Variants in SNTB1 observed in about 807,000 individuals in gnomAD.
SNTB1 encodes the protein syntrophin beta 1.
A neutral mutation model predicts 48.9 loss-of-function variants in SNTB1; 36 were observed. The observed-to-expected ratio is 0.74, with a 90% CI of 0.56 to 0.97. SNTB1 has a LOEUF of 0.97. Among genes scored for constraint, SNTB1 ranks in the 50% least tolerant of loss-of-function variants. The pLI, the probability that SNTB1 is intolerant of heterozygous loss-of-function variation, is 0.00. For missense variants in SNTB1, 786 were observed against 703.4 expected (o/e 1.12, Z -1.33); for synonymous variants, 299 against 294.6 (o/e 1.01, Z -0.15).
At chr8:120,547,721 C>T (rs1414694478) in intron 5 of SNTB1, among the ~76,000 whole-genome samples, 1 of 151,954 alleles carries the variant, frequency 6.6e-6, no homozygotes, top group Admixed American at 6.6e-5. Flanking sequence ...CTACACACAT[C>T]TCCCATTTCT....
chr8:120,734,321 C>T (rs890900052), intron 1 of SNTB1, among the ~76,000 whole-genome samples: 2 of 151,930 alleles, frequency 1.3e-5, no homozygotes, highest in African/African-American at 2.4e-5. Flanking sequence ...GTGGCAGGCA[C>T]CTGTAATCCC....
At chr8:120,722,661 G>A (rs1295833277) in intron 1 of SNTB1, among the ~76,000 whole-genome samples, 6 of 152,130 alleles carry the variant, frequency 3.9e-5, no homozygotes, top group Non-Finnish European at 8.8e-5. Context: ...CAGATGAGTA[G>A]ATTGCAAAAA....
chr8:120,613,435 C>T (rs1816659226), intron 3 of SNTB1, among the ~76,000 whole-genome samples: 2 of 151,694 alleles, frequency 1.3e-5, no homozygotes, highest in African/African-American at 2.4e-5. Context: ...ATGGTAGTTA[C>T]TAGAGGCTGG....
intron 1 of SNTB1, among the ~76,000 whole-genome samples, chr8:120,763,161 C>A (rs1015690789): frequency 6.6e-6 from 1 of 152,174 alleles, no homozygotes; most frequent in Non-Finnish European, 1.5e-5. Context: ...TAATAGATAT[C>A]ATGAATCTTA....
intron 2 of SNTB1, among the ~76,000 whole-genome samples, chr8:120,690,500 G>T (rs775677430): frequency 6.6e-6 from 1 of 152,200 alleles, no homozygotes; most frequent in Admixed American, 6.5e-5. Context: ...GATGTTGCTT[G>T]TGAACTCTTG....
chr8:120,652,800 T>C (rs73708921), intron 2 of SNTB1, among the ~76,000 whole-genome samples: 2,276 of 152,266 alleles, frequency 0.015, 62 homozygotes, highest in African/African-American at 0.052. Context: ...CTTATGTTTT[T>C]AGCATTTTAA....
chr8:120,746,741 C>G (rs1475930860), intron 1 of SNTB1, among the ~76,000 whole-genome samples: 1 of 152,180 alleles, frequency 6.6e-6, no homozygotes, highest in African/African-American at 2.4e-5. Flanking sequence ...TTCCGTTATT[C>G]AGTATAATAA....
intron 2 of SNTB1, among the ~76,000 whole-genome samples, chr8:120,683,819 G>A (rs1165433427): frequency 2.0e-5 from 3 of 152,136 alleles, no homozygotes; most frequent in African/African-American, 7.2e-5. Flanking sequence ...CTTGCACCCA[G>A]CAATGAGGAT....
intron 2 of SNTB1, among the ~76,000 whole-genome samples, chr8:120,692,403 T>C (rs1319632309): frequency 6.6e-6 from 1 of 152,128 alleles, no homozygotes; most frequent in African/African-American, 2.4e-5. Context: ...GCGGTTCCTA[T>C]TTTTAGCACT....
At chr8:120,707,844 G>T (rs1818401982) in intron 1 of SNTB1, among the ~76,000 whole-genome samples, 1 of 152,054 alleles carries the variant, frequency 6.6e-6, no homozygotes, top group Non-Finnish European at 1.5e-5. Flanking sequence ...GATTATTGCA[G>T]TTAATGAGCA....
rs1815738752 is a variant in SNTB1 at position 120,565,797 on chromosome 8, C to CCCCAAAATTCATGT, written c.1136+9275_1136+9288dup. Among the ~76,000 whole-genome samples the CCCCAAAATTCATGT allele has an allele frequency of 3.3e-5, 5 of 152,128 alleles. No individual in the cohort carries two copies. The South Asian group carries it at 1.0e-3, about 32-fold the overall frequency. The stretch of plus-strand genomic sequence containing the variant: ...TGCTGTGGTTTGAACGTCTGTGTCC[C>CCCCAAAATTCATGT]CCCAAAATTCATGTTGAAACTGAAG... On this transcript the variant is annotated intron_variant, in intron 4 of 6. Transcript: ENST00000517992.
chr8:120,628,540 T>C (rs1816923520), intron 3 of SNTB1, among the ~76,000 whole-genome samples: 1 of 152,132 alleles, frequency 6.6e-6, no homozygotes, highest in South Asian at 2.1e-4. Context: ...CCAGATCACC[T>C]GAGGTCAGGA....
chr8:120,634,107 C>T (rs748002090), intron 2 of SNTB1, among the ~76,000 whole-genome samples: 23 of 151,934 alleles, frequency 1.5e-4, no homozygotes, highest in Non-Finnish European at 3.1e-4. Context: ...ACCTGTTCTC[C>T]GTATCTGTAA....
intron 2 of SNTB1, among the ~76,000 whole-genome samples, chr8:120,671,273 A>G (rs1433588027): frequency 6.6e-6 from 1 of 152,202 alleles, no homozygotes; most frequent in Non-Finnish European, 1.5e-5. Context: ...CTCAAAGTTC[A>G]TTTCTACCCA....
chr8:120,689,383 A>T (rs1818088384), intron 2 of SNTB1, among the ~76,000 whole-genome samples: 1 of 152,148 alleles, frequency 6.6e-6, no homozygotes, highest in South Asian at 2.1e-4. Flanking sequence ...GTGTGTGATG[A>T]TTCAGAAATT....
chr8:120,763,845 T>C (rs1819469233), intron 1 of SNTB1, among the ~76,000 whole-genome samples: 1 of 151,774 alleles, frequency 6.6e-6, no homozygotes, highest in Non-Finnish European at 1.5e-5. Context: ...TTTATAGAGA[T>C]GGGGTCTTGT....
At chr8:120,638,715 T>A (rs1342238181) in intron 2 of SNTB1, among the ~76,000 whole-genome samples, 1 of 152,192 alleles carries the variant, frequency 6.6e-6, no homozygotes, top group Non-Finnish European at 1.5e-5. Context: ...TTCATTCATG[T>A]CCCTACAAAG....
intron 3 of SNTB1, among the ~76,000 whole-genome samples, chr8:120,610,548 T>C (rs1816604732): frequency 6.6e-6 from 1 of 151,980 alleles, no homozygotes; most frequent in Non-Finnish European, 1.5e-5. Context: ...GTTTTTTGTT[T>C]GTTTGTTTGT....
Position 120,537,532 on chromosome 8 carries a change from A to T in SNTB1, c.*1345T>A, listed in dbSNP as rs1468312236. The T allele has an allele frequency of 6.6e-6, 1 of 152,170 alleles. No individual in the cohort carries two copies. Among genetic ancestry groups the T allele is most frequent in the Admixed American group, 6.5e-5 (1 of 15,288 alleles). The allele number at this position is 152,170 out of a possible 1,614,324, so 9.4% of individuals were successfully genotyped here. A position where few individuals can be genotyped will look rare whatever the true frequency, so the allele number is the denominator to read the frequency against. On this transcript the variant is annotated 3_prime_UTR_variant, in exon 7 of 7. Coordinates refer to ENST00000517992, the MANE Select transcript of SNTB1 (RefSeq NM_021021.4). ...ACTTTTTGAAGCTCTTTGCATGGGT[A>T]TTTGTTAACATATGATTCTTTAAAA...
Sources: gnomAD v4.1 joint callset for allele counts (sites outside exome capture counted in the v4.1 genomes callset) on GRCh38, gnomAD v4.1.1 for gene constraint, MANE v1.5 for transcripts, NCBI Gene and HGNC (gene_info 2026-07-23, HGNC 2026-07-21) for gene names.